The following REPS2 variants were observed in gnomAD, a reference collection of about 807,000 sequenced individuals.
The protein encoded by REPS2 is RALBP1 associated Eps domain containing 2, also known as ralBP1-associated Eps domain-containing protein 2.
A neutral mutation model predicts 53.6 loss-of-function variants in REPS2; 23 were observed. The observed-to-expected ratio is 0.43, with a 90% CI of 0.31 to 0.61. The LOEUF is 0.61. Among genes scored for constraint, REPS2 ranks in the 20% least tolerant of loss-of-function variants. The pLI, the probability that REPS2 is intolerant of heterozygous loss-of-function variation, is 0.11. For missense variants in REPS2, 446 were observed against 534.9 expected (o/e 0.83, Z 1.64); for synonymous variants, 238 against 218.6 (o/e 1.09, Z -0.78).
intron 1 of REPS2, among the ~76,000 whole-genome samples, chrX:17,000,046 C>CACAA (rs1294020542): frequency 3.7e-5 from 1 of 27,106 alleles, no homozygotes; most frequent in African/African-American, 1.2e-4. Context: ...GACTCCGTCT[C>CACAA]AAAAAAAAAA....
chrX:16,976,735 G>A (rs972309433), intron 1 of REPS2, among the ~76,000 whole-genome samples: 1 of 111,678 alleles, frequency 9.0e-6, no homozygotes, highest in Non-Finnish European at 1.9e-5. Context: ...ATATATATTA[G>A]AACTAGTTTT....
At chrX:17,068,125 A>G (rs2062249872) in intron 9 of REPS2, among the ~76,000 whole-genome samples, 1 of 110,424 alleles carries the variant, frequency 9.1e-6, no homozygotes, top group Non-Finnish European at 1.9e-5. Context: ...CATCCTGGCT[A>G]ACACAGTGAA....
intron 1 of REPS2, among the ~76,000 whole-genome samples, chrX:16,954,484 G>A (rs1366713869): frequency 2.7e-5 from 3 of 111,622 alleles, no homozygotes; most frequent in Non-Finnish European, 3.8e-5. Flanking sequence ...AACCAGGGTG[G>A]GCAGAAGGAA....
intron 1 of REPS2, among the ~76,000 whole-genome samples, chrX:16,948,306 T>A (rs1245330005): frequency 9.0e-6 from 1 of 111,421 alleles, no homozygotes; most frequent in Admixed American, 1.0e-4. Context: ...TTCACCCTTT[T>A]GAATTTGGGA....
chrX:17,070,937 A>T (rs915698098), intron 11 of REPS2, among the ~76,000 whole-genome samples: 1 of 111,092 alleles, frequency 9.0e-6, no homozygotes, highest in Non-Finnish European at 1.9e-5. Flanking sequence ...CATGAGAATG[A>T]GAATAAATAT....
intron 4 of REPS2, 104 bp downstream of exon 4, chrX:17,025,289 C>T: frequency 1.2e-6 from 1 of 858,382 alleles, no homozygotes; most frequent in Middle Eastern, 3.0e-4. Flanking sequence ...GATTTAATTA[C>T]CCCTGTCTTT....
chrX:17,087,860 G>A (rs927853881), intron 13 of REPS2, among the ~76,000 whole-genome samples: 1 of 110,439 alleles, frequency 9.1e-6, no homozygotes, highest in Admixed American at 9.7e-5. Context: ...GGAGGTGGAG[G>A]TTTCAGTGAG....
intron 9 of REPS2, among the ~76,000 whole-genome samples, chrX:17,064,667 A>G (rs1295062110): frequency 8.9e-6 from 1 of 112,463 alleles, no homozygotes; most frequent in Admixed American, 9.5e-5. Context: ...CATTTAAAGT[A>G]TACAATTCAG....
At chrX:17,073,038 TTGC>T (rs974401537) in intron 11 of REPS2, among the ~76,000 whole-genome samples, 14 of 62,294 alleles carry the variant, frequency 2.2e-4, no homozygotes, top group Non-Finnish European at 5.0e-4. Context: ...GACCAGTAGT[TTGC>T]TTTGTGCCTT....
chrX:17,058,935 A>C (rs1346426596), intron 8 of REPS2, among the ~76,000 whole-genome samples: 2 of 111,059 alleles, frequency 1.8e-5, no homozygotes, highest in South Asian at 3.7e-4. Context: ...TCTTTGCAAA[A>C]TATGAGTGAT....
chrX:17,142,107 G>A lies in REPS2; in HGVS notation c.1914+3146G>A, dbSNP rs373405273. 2.7e-4 allele frequency among the ~76,000 whole-genome samples: 30 copies of A among 111,817 alleles called. No individual in the cohort carries two copies. In the East Asian group the frequency reaches 7.6e-3, roughly 28 times the overall value. On this transcript the variant is annotated intron_variant, in intron 17 of 17. Coordinates refer to ENST00000357277, the MANE Select transcript of REPS2 (RefSeq NM_004726.3). ...TGATCTTTGACAAAGGTGCAAAATC[G>A]ATTCAATGAGAAATAATAGTTTTCA...
intron 5 of REPS2, among the ~76,000 whole-genome samples, chrX:17,046,081 C>G (rs1377772248): frequency 9.1e-6 from 1 of 110,168 alleles, no homozygotes; most frequent in Non-Finnish European, 1.9e-5. Context: ...CTTGATGGCT[C>G]TTTAGCAGCA....
intron 2 of REPS2, among the ~76,000 whole-genome samples, chrX:17,017,720 A>G (rs1425509831): frequency 8.9e-6 from 1 of 112,138 alleles, no homozygotes; most frequent in Non-Finnish European, 1.9e-5. Context: ...AGTAAAATAC[A>G]GATTTCTGGC....
At chrX:17,084,436 A>G (rs1180646559) in intron 13 of REPS2, among the ~76,000 whole-genome samples, 1 of 111,606 alleles carries the variant, frequency 9.0e-6, no homozygotes, top group African/African-American at 3.3e-5. Flanking sequence ...TTTCTGGTTC[A>G]TATGGTAACT....
At chrX:16,967,006 C>G (rs957870504) in intron 1 of REPS2, among the ~76,000 whole-genome samples, 3 of 112,042 alleles carry the variant, frequency 2.7e-5, no homozygotes, top group Non-Finnish European at 3.8e-5. Context: ...TCACAGTGTT[C>G]TTCATATTGA....
the REPS2 span, among the ~76,000 whole-genome samples, chrX:17,159,139 C>G: frequency 9.0e-6 from 1 of 111,711 alleles, no homozygotes; most frequent in Non-Finnish European, 1.9e-5. Flanking sequence ...GTGAAGACCA[C>G]AACTGATCCC....
chrX:17,061,482 C>T (rs2062158470), intron 8 of REPS2, among the ~76,000 whole-genome samples: 1 of 112,273 alleles, frequency 8.9e-6, no homozygotes, highest in South Asian at 3.7e-4. Flanking sequence ...GCATTTCAGT[C>T]CCTGATGGGA....
chrX:17,032,248 A>G (rs1332784382), intron 5 of REPS2, among the ~76,000 whole-genome samples: 1 of 112,134 alleles, frequency 8.9e-6, no homozygotes, highest in South Asian at 3.7e-4. Context: ...GTCTCATGGT[A>G]TAGTGCAGAA....
intron 5 of REPS2, among the ~76,000 whole-genome samples, chrX:17,037,339 C>T (rs1003489835): frequency 5.4e-5 from 6 of 111,722 alleles, no homozygotes; most frequent in African/African-American, 1.6e-4. Context: ...GATGGAGTCT[C>T]GCTCTGTTGC....
Sources: gnomAD v4.1 joint callset for allele counts (sites outside exome capture counted in the v4.1 genomes callset) on GRCh38, gnomAD v4.1.1 for gene constraint, MANE v1.5 for transcripts, NCBI Gene and HGNC (gene_info 2026-07-23, HGNC 2026-07-21) for gene names.